The following HEPHL1 variants were observed in gnomAD, a reference collection of about 807,000 sequenced individuals.
HEPHL1 encodes the protein ferroxidase HEPHL1.
In HEPHL1, 123 loss-of-function variants were observed where a neutral mutation model predicts 122.0. The observed-to-expected ratio is 1.01, with a 90% CI of 0.87 to 1.17. The LOEUF is 1.17. HEPHL1 is among the 50% of genes most tolerant of loss of function. The probability of loss-of-function intolerance (pLI) is 0.00; values close to 1 mark genes in which losing one functional copy is unlikely to be tolerated. For synonymous variants in HEPHL1, 527 were observed against 508.9 expected, an observed-to-expected ratio of 1.04 and a Z score of -0.48; for missense variants, 1,452 against 1,430.5, an observed-to-expected ratio of 1.01 and a Z score of -0.24.
At chr11:94,091,430 G>T (rs1946263252) in intron 12 of HEPHL1, among the ~76,000 whole-genome samples, 1 of 152,210 alleles carries the variant, frequency 6.6e-6, no homozygotes, top group East Asian at 1.9e-4. Context: ...ACTACCACAT[G>T]TAACTGGGTC....
intron 6 of HEPHL1, among the ~76,000 whole-genome samples, chr11:94,070,861 T>G (rs1300406725): frequency 6.6e-6 from 1 of 151,922 alleles, no homozygotes; most frequent in Non-Finnish European, 1.5e-5. Flanking sequence ...AAGAATAGAG[T>G]AAGGCCTTTA....
chr11:94,046,462 A>G (rs927085774), intron 2 of HEPHL1, among the ~76,000 whole-genome samples: 1 of 148,602 alleles, frequency 6.7e-6, no homozygotes, highest in Non-Finnish European at 1.5e-5. Flanking sequence ...CTTTATGTTG[A>G]CACAGAACTC....
intron 2 of HEPHL1, among the ~76,000 whole-genome samples, chr11:94,057,858 T>G (rs1044585008): frequency 3.3e-5 from 5 of 152,154 alleles, no homozygotes; most frequent in Non-Finnish European, 7.4e-5. Context: ...TTGTTGTTCT[T>G]GAAAACTGGA....
At chr11:94,064,634 A>G (rs1178504756) in intron 4 of HEPHL1, 124 bp downstream of exon 4, 3 of 670,018 alleles carry the variant, frequency 4.5e-6, no homozygotes, top group Non-Finnish European at 7.5e-6. Context: ...AGGGATGACC[A>G]TGGTTAGAAA....
In HEPHL1 at chr11:94,103,017, G is replaced by A. The variant is rs764407449; in HGVS notation, c.2679G>A (p.Val893=). 1 of 1,571,504 alleles carries A rather than the reference G, an allele frequency of 6.4e-7. No homozygotes were observed. The highest frequency in any genetic ancestry group is 1.7e-5 in the Admixed American group (1 of 59,886). Residue 893 remains valine, a synonymous_variant, in exon 15 of 20, where the codon GTG becomes GTA. Transcript: ENST00000315765. The part of the protein sequence containing the change: ...PWVYYSTVNF[V]KDTYSGLMGP... ...TTTACTATTCAACAGTAAACTTTGTGAAGGTAAGGTGGAGAAAGCAACCAA... is the reference window on the plus strand; with the variant it reads ...TTTACTATTCAACAGTAAACTTTGTAAAGGTAAGGTGGAGAAAGCAACCAA...
Position 94,067,728 on chromosome 11 carries a change from C to T in HEPHL1, c.1041C>T (p.Cys347=). The part of the protein sequence containing the change: ...AENPGKWMIT[C]QVSDHLQAGM... The stretch of plus-strand genomic sequence containing the variant: ...ATCCTGGGAAGTGGATGATAACCTG[C>T]CAGGTCAGCGACCACCTACAAGGTA... The change falls in exon 5 of 20, where the codon TGC becomes TGT. Residue 347 remains cysteine (C), a synonymous_variant. Coordinates refer to ENST00000315765, the MANE Select transcript of HEPHL1 (RefSeq NM_001098672.2). The T allele has an allele frequency of 1.9e-6, 3 of 1,613,412 alleles. No individual in the cohort carries two copies. Among genetic ancestry groups the T allele is most frequent in the South Asian group, 1.1e-5 (1 of 91,068 alleles).
intron 13 of HEPHL1, among the ~76,000 whole-genome samples, chr11:94,097,946 T>C (rs58965645): frequency 0.045 from 6,723 of 150,400 alleles, 325 homozygotes; most frequent in East Asian, 0.13. Context: ...TACAGCACAC[T>C]GATGGGTCTT....
At position 94,063,532 on chromosome 11, in the gene HEPHL1, C is replaced by T; in HGVS notation, c.440C>T (p.Ser147Phe). ...GGAGCCCTATACCCAGATGGAACAT[C>T]TGGAAGGAACAAAAATGATGACATG... ...SEGALYPDGT[S>F]GRNKNDDMVP... Residue 147 changes from serine (S) to phenylalanine (F), a missense_variant, in exon 3 of 20, where the codon TCT (serine) becomes TTT (phenylalanine). By Grantham distance (155) the Ser-to-Phe change is radical (BLOSUM62 -2). Coordinates refer to ENST00000315765, the MANE Select transcript of HEPHL1 (RefSeq NM_001098672.2). The T allele has an allele frequency of 1.2e-6, 2 of 1,610,956 alleles. No individual in the cohort carries two copies. The highest frequency in any genetic ancestry group is 1.7e-6 in the Non-Finnish European group (2 of 1,178,416).
chr11:94,077,645 A>G (rs1794355706), intron 9 of HEPHL1, among the ~76,000 whole-genome samples: 1 of 152,236 alleles, frequency 6.6e-6, no homozygotes, highest in African/African-American at 2.4e-5. Flanking sequence ...TAAAGTGCAA[A>G]TGAGATCAAG....
chr11:94,084,739 G>A (rs936370506), intron 10 of HEPHL1, among the ~76,000 whole-genome samples: 3 of 152,044 alleles, frequency 2.0e-5, no homozygotes, highest in African/African-American at 7.2e-5. Flanking sequence ...AACATTTGAT[G>A]GACAAGATTT....
Position 94,026,414 on chromosome 11 carries a change from G to GGGGAGCAT in HEPHL1, c.170+4878_170+4885dup, listed in dbSNP as rs1204778561. 6.6e-5 allele frequency among the ~76,000 whole-genome samples: 10 copies of GGGGAGCAT among 152,294 alleles called. No homozygotes were observed. In the South Asian group the frequency reaches 2.1e-3, roughly 32 times the overall value. On this transcript the variant is annotated intron_variant, in intron 1 of 19. Coordinates refer to ENST00000315765, the MANE Select transcript of HEPHL1 (RefSeq NM_001098672.2). ...ATTTACCTCTGACACTAAGAAAGAA[G>GGGGAGCAT]GGGAGCATGAATATTGCAAGGCAGC... is the stretch of plus-strand genomic sequence containing the variant.
intron 15 of HEPHL1, among the ~76,000 whole-genome samples, chr11:94,103,556 A>G (rs920258946): frequency 6.6e-6 from 1 of 152,218 alleles, no homozygotes; most frequent in Non-Finnish European, 1.5e-5. Flanking sequence ...AACTGAAACT[A>G]CAAAATTGTT....
intron 13 of HEPHL1, among the ~76,000 whole-genome samples, chr11:94,093,997 TATATATATATATATATAA>T (rs1279939662): frequency 2.5e-5 from 3 of 119,030 alleles, no homozygotes; most frequent in African/African-American, 1.1e-4. Context: ...TATATATATA[TATATATATATATATATAA>T]AACTTTAAGT....
intron 4 of HEPHL1, 59 bp from the exon 5 acceptor site, chr11:94,067,437 T>C: frequency 1.9e-6 from 3 of 1,563,218 alleles, no homozygotes. Context: ...TTACCAACAT[T>C]TCTGGTCCCA....
intron 2 of HEPHL1, among the ~76,000 whole-genome samples, chr11:94,059,320 A>C (rs1945964745): frequency 6.6e-6 from 1 of 152,176 alleles, no homozygotes; most frequent in African/African-American, 2.4e-5. Context: ...CTTCCAGTTC[A>C]TGTAATTTGA....
rs1220381731 is a variant in HEPHL1 at position 94,111,449 on chromosome 11, TC to T, written c.3209-86del. ...GATTGGCAGATACTGATGGGATAAG[TC>T]CTCGCTGGTGAAATGAAATGACTAG... On this transcript the variant is annotated intron_variant, in intron 18 of 19. Transcript: ENST00000315765. 7 of 1,017,758 alleles carry T rather than the reference TC, an allele frequency of 6.9e-6. No homozygotes were observed. The African/African-American group carries it at 9.6e-5, about 14-fold the overall frequency. 63.0% of individuals were successfully genotyped at this position (1,017,758 alleles called of 1,614,324 possible).
chr11:94,067,553 C>T lies in HEPHL1; in HGVS notation c.866C>T (p.Ser289Phe), dbSNP rs1946044238. Reference protein sequence around the residue: ...FPEPDMCVGESVSWHLFGMGN... With the variant: ...FPEPDMCVGEFVSWHLFGMGN... Reference sequence around the variant, plus strand: ...GAGCCTGATATGTGTGTTGGAGAATCTGTGTCCTGGCACCTATTTGGAATG... The same window carrying T: ...GAGCCTGATATGTGTGTTGGAGAATTTGTGTCCTGGCACCTATTTGGAATG... Residue 289 changes from serine to phenylalanine, a missense_variant, in exon 5 of 20, where the codon TCT becomes TTT. Ser to Phe is a radical substitution (Grantham distance 155). Coordinates refer to ENST00000315765, the MANE Select transcript of HEPHL1 (RefSeq NM_001098672.2). 6.2e-7 allele frequency: 1 copy of T among 1,613,632 alleles called. No homozygotes were observed. The highest frequency in any genetic ancestry group is 1.7e-5 in the Admixed American group (1 of 60,006).
chr11:94,092,806 T>A (rs1946272244), intron 12 of HEPHL1, among the ~76,000 whole-genome samples: 1 of 152,184 alleles, frequency 6.6e-6, no homozygotes, highest in Non-Finnish European at 1.5e-5. Context: ...CAAGGTTATA[T>A]ATTGATCTGT....
intron 2 of HEPHL1, among the ~76,000 whole-genome samples, chr11:94,046,865 G>T (rs938139290): frequency 1.3e-5 from 2 of 152,288 alleles, no homozygotes; most frequent in Non-Finnish European, 2.9e-5. Context: ...GTTGAAAGGT[G>T]CTGTACCTGC....
Sources: allele counts gnomAD v4.1 joint callset (sites outside exome capture counted in the v4.1 genomes callset), GRCh38; gene constraint gnomAD v4.1.1; transcripts MANE v1.5; gene names NCBI Gene and HGNC (gene_info 2026-07-23, HGNC 2026-07-21).